SEMA4B: variants seen among roughly 807,000 people sequenced by gnomAD.
The protein encoded by SEMA4B is semaphorin 4B.
In SEMA4B, 55 loss-of-function variants were observed where a neutral mutation model predicts 88.1. The observed-to-expected ratio is 0.62, with a 90% CI of 0.50 to 0.78. The LOEUF is 0.78. SEMA4B is among the 30% of genes least tolerant of loss of function. The probability of loss-of-function intolerance (pLI) is 0.00; values close to 1 mark genes in which losing one functional copy is unlikely to be tolerated. For synonymous variants in SEMA4B, 525 were observed against 473.6 expected (o/e 1.11, Z -1.41); for missense variants, 1,062 against 1,111.9 (o/e 0.96, Z 0.64).
Position 90,219,793 on chromosome 15 carries a change from C to G in SEMA4B, c.385C>G (p.Arg129Gly). 1 of 1,612,128 alleles carries G rather than the reference C, an allele frequency of 6.2e-7. No individual in the cohort carries two copies. The highest frequency in any genetic ancestry group is 8.5e-7 in the Non-Finnish European group (1 of 1,178,944). The change falls in exon 4 of 14, where the codon CGC becomes GGC. Residue 129 changes from arginine (R) to glycine (G), a missense_variant and splice_region_variant. Physicochemically the swap from Arg to Gly is moderately radical, Grantham distance 125. Coordinates refer to ENST00000411539, the MANE Select transcript of SEMA4B (RefSeq NM_198925.4). ...QCSFKGKDPQRDCQNYIKILL... is the reference protein window; with the variant it reads ...QCSFKGKDPQGDCQNYIKILL... Reference sequence around the variant, plus strand: ...ATATCCCCTCGCTCCTTCCCCCCAGCGCGACTGTCAAAACTACATCAAGAT... The same window carrying G: ...ATATCCCCTCGCTCCTTCCCCCCAGGGCGACTGTCAAAACTACATCAAGAT...
Position 90,229,584 on chromosome 15 carries a change from T to TC in SEMA4B, c.*941_*942insC, listed in dbSNP as rs1962400914. 2.4e-5 allele frequency: 8 copies of TC among 336,730 alleles called. No homozygotes were observed. The highest frequency in any genetic ancestry group is 1.8e-4 in the South Asian group (8 of 45,378). 20.9% of individuals were successfully genotyped at this position (336,730 alleles called of 1,614,324 possible). A position where few individuals can be genotyped will look rare whatever the true frequency, so the allele number is the denominator to read the frequency against. On this transcript the variant is annotated 3_prime_UTR_variant, in exon 14 of 14. Transcript: ENST00000411539. ...CTGCCCAGCACAGGGGCCCTGAATT[T>TC]ATGTGGTTTTTATACATTTTTTAAT...
rs747918996 is a variant in SEMA4B at position 90,223,883 on chromosome 15, G to A, written c.1089G>A (p.Met363Ile). 6.2e-7 allele frequency: 1 copy of A among 1,613,976 alleles called. No individual in the cohort carries two copies. Among genetic ancestry groups the A allele is most frequent in the East Asian group, 2.2e-5 (1 of 44,876 alleles). Residue 363 changes from methionine (M) to isoleucine (I), a missense_variant, in exon 9 of 14, where the codon ATG (methionine) becomes ATA (isoleucine). Physicochemically the swap from Met to Ile is conservative, Grantham distance 10. Coordinates refer to ENST00000411539, the MANE Select transcript of SEMA4B (RefSeq NM_198925.4). ...TEGSAVCVFT[M>I]KDVQRVFSGL... ...GCTCTGCCGTCTGTGTCTTCACAAT[G>A]AAGGATGTGCAGAGAGTCTTCAGCG...
At chr15:90,223,287 C>T (rs1264958124) in intron 7 of SEMA4B, among the ~76,000 whole-genome samples, 1 of 152,156 alleles carries the variant, frequency 6.6e-6, no homozygotes, top group East Asian at 1.9e-4. Context: ...AGGAACATGG[C>T]ATTAGGCTAT....
chr15:90,206,514 A>G, intron 1 of SEMA4B: 1 of 357,222 alleles, frequency 2.8e-6, no homozygotes. Flanking sequence ...TCATGCAGAG[A>G]CGGAGGCTCA....
Position 90,201,672 on chromosome 15 carries a change from C to A in SEMA4B, c.94C>A (p.Leu32Met). 6.6e-7 allele frequency: 1 copy of A among 1,515,428 alleles called. No homozygotes were observed. The highest frequency in any genetic ancestry group is 1.4e-5 in the African/African-American group (1 of 70,018). 93.9% of individuals were successfully genotyped at this position (1,515,428 alleles called of 1,614,324 possible). ...ACCGCTGCTGCTGCTCCTGCTGCTGCTGCTCCTGCTGCAGCCGCCGCCTCC... is the reference window on the plus strand; with the variant it reads ...ACCGCTGCTGCTGCTCCTGCTGCTGATGCTCCTGCTGCAGCCGCCGCCTCC... Reference protein sequence around the residue: ...RPPLLLLLLLLLLLQPPPPTW... With the variant: ...RPPLLLLLLLMLLLQPPPPTW... Residue 32 changes from leucine to methionine, a missense_variant, in exon 1 of 14, where the codon CTG becomes ATG. Transcript: ENST00000411539.
intron 1 of SEMA4B, among the ~76,000 whole-genome samples, chr15:90,215,402 T>TC (rs1238267617): frequency 1.3e-5 from 2 of 152,156 alleles, no homozygotes; most frequent in African/African-American, 4.8e-5. Context: ...CTTATATTTT[T>TC]CCCACAAAAA....
Position 90,201,439 on chromosome 15 carries a change from C to T in SEMA4B, c.-140C>T. 1 of 1,298,342 alleles carries T rather than the reference C, an allele frequency of 7.7e-7. No individual in the cohort carries two copies. Among genetic ancestry groups the T allele is most frequent in the Non-Finnish European group, 9.7e-7 (1 of 1,026,172 alleles). 80.4% of individuals were successfully genotyped at this position (1,298,342 alleles called of 1,614,324 possible). A position where few individuals can be genotyped will look rare whatever the true frequency, so the allele number is the denominator to read the frequency against. On this transcript the variant is annotated 5_prime_UTR_variant, in exon 1 of 14. Coordinates refer to ENST00000411539, the MANE Select transcript of SEMA4B (RefSeq NM_198925.4). ...TGCCAGGGCCCACTTGACCCTGTTT[C>T]CCACCTCCCGCCCCCCAGGTCCGGA...
intron 1 of SEMA4B, chr15:90,207,096 C>T (rs928311523): frequency 3.0e-5 from 9 of 299,734 alleles, no homozygotes; most frequent in African/African-American, 2.0e-4. Flanking sequence ...GGCTCCTGCC[C>T]TGTGGCAGAG....
In SEMA4B at chr15:90,224,906, G is replaced by A. The variant is rs909678950; in HGVS notation, c.1195-62G>A. The A allele has an allele frequency of 4.8e-5, 67 of 1,397,996 alleles. 1 individual carries two copies. The South Asian group carries it at 7.5e-4, about 16-fold the overall frequency. 86.6% of individuals were successfully genotyped at this position (1,397,996 alleles called of 1,614,324 possible). On this transcript the variant is annotated intron_variant, in intron 9 of 13. Coordinates refer to ENST00000411539, the MANE Select transcript of SEMA4B (RefSeq NM_198925.4). ...CGCTACTGTCCACTGGGGAAGCAGG[G>A]CCCGCATCCTGCCTGCCACCCCGAG...
At position 90,229,461 on chromosome 15, in the gene SEMA4B, G is replaced by A; in HGVS notation, c.*818G>A. 1 of 452,436 alleles carries A rather than the reference G, an allele frequency of 2.2e-6. No individual in the cohort carries two copies. Among genetic ancestry groups the A allele is most frequent in the South Asian group, 1.6e-5 (1 of 63,912 alleles). The allele number at this position is 452,436 out of a possible 1,614,324, so 28.0% of individuals were successfully genotyped here. On this transcript the variant is annotated 3_prime_UTR_variant, in exon 14 of 14. Coordinates refer to ENST00000411539, the MANE Select transcript of SEMA4B (RefSeq NM_198925.4). ...CCATATCCACCCTCGCTCCATCTTT[G>A]AACTCAAACACGAGGAACTAACTGC...
At chr15:90,195,549 G>C (rs1960472988) in intron 1 of SEMA4B, among the ~76,000 whole-genome samples, 2 of 152,124 alleles carry the variant, frequency 1.3e-5, no homozygotes, top group African/African-American at 4.8e-5. Context: ...TTCATTGTTA[G>C]ATCTGGGTTA....
Position 90,228,770 on chromosome 15 carries a change from T to G in SEMA4B, c.*127T>G. On this transcript the variant is annotated 3_prime_UTR_variant, in exon 14 of 14. Coordinates refer to ENST00000411539, the MANE Select transcript of SEMA4B (RefSeq NM_198925.4). ...CGTGGTGCCCGGCCCTTGGGAGCCT[T>G]GGGGCCAGCTGGCCTGCTGCTCTCC... 1 of 1,257,948 alleles carries G rather than the reference T, an allele frequency of 7.9e-7. No homozygotes were observed. The highest frequency in any genetic ancestry group is 1.1e-6 in the Non-Finnish European group (1 of 916,214). The allele number at this position is 1,257,948 out of a possible 1,614,324, so 77.9% of individuals were successfully genotyped here.
Position 90,227,583 on chromosome 15 carries a change from C to T in SEMA4B, c.1715C>T (p.Ala572Val), listed in dbSNP as rs201785929. The change falls in exon 13 of 14, where the codon GCC becomes GTC. Residue 572 changes from alanine to valine, a missense_variant. Ala to Val is a moderately conservative substitution (Grantham distance 64, BLOSUM62 0). Transcript: ENST00000411539. ...CCGTGGATCCAGGACATCGAGGGAG[C>T]CAGCGCCAAGGACCTTTGCAGCGCG... The part of the protein sequence containing the change: ...TRPWIQDIEG[A>V]SAKDLCSASS... 5,849 of 1,613,956 alleles carry T rather than the reference C, an allele frequency of 3.6e-3. 25 individuals carry two copies. The highest frequency in any genetic ancestry group is 4.3e-3 in the Non-Finnish European group (5,087 of 1,179,868).
intron 7 of SEMA4B, among the ~76,000 whole-genome samples, chr15:90,222,538 C>T (rs932647722): frequency 2.0e-5 from 3 of 151,704 alleles, no homozygotes; most frequent in Admixed American, 1.3e-4. Flanking sequence ...CCACTGCACT[C>T]CAGCCTGGGT....
chr15:90,194,826 A>G (rs1313888053), intron 1 of SEMA4B, among the ~76,000 whole-genome samples: 14 of 152,220 alleles, frequency 9.2e-5, no homozygotes, highest in Admixed American at 7.9e-4. Context: ...TCTCTAGTAC[A>G]TGCACATACA....
chr15:90,195,812 G>A (rs1185548411), intron 1 of SEMA4B, among the ~76,000 whole-genome samples: 1 of 151,820 alleles, frequency 6.6e-6, no homozygotes, highest in Non-Finnish European at 1.5e-5. Flanking sequence ...GTTTTGCCGT[G>A]TTGCCCAGGT....
At chr15:90,206,469 A>G (rs1052149392) in intron 1 of SEMA4B, 4 of 270,284 alleles carry the variant, frequency 1.5e-5, no homozygotes, top group African/African-American at 6.7e-5. Flanking sequence ...TAAGATAATT[A>G]AAAGCCTGGT....
At chr15:90,197,996 G>A (rs1960570528), upstream of SEMA4B, among the ~76,000 whole-genome samples, 1 of 149,186 alleles carries the variant, frequency 6.7e-6, no homozygotes, top group Non-Finnish European at 1.5e-5. Flanking sequence ...GCGTGATCTC[G>A]GCTCACTGCA....
intron 1 of SEMA4B, among the ~76,000 whole-genome samples, chr15:90,211,663 G>T (rs576507204): frequency 6.6e-6 from 1 of 152,186 alleles, no homozygotes; most frequent in Non-Finnish European, 1.5e-5. Flanking sequence ...TGCTGCTGGG[G>T]TAAGTGGGTC....
Sources: gnomAD v4.1 joint callset for allele counts (sites outside exome capture counted in the v4.1 genomes callset) on GRCh38, gnomAD v4.1.1 for gene constraint, MANE v1.5 for transcripts, NCBI Gene and HGNC (gene_info 2026-07-23, HGNC 2026-07-21) for gene names.